SMCHD1: variants seen among roughly 807,000 people sequenced by gnomAD.
The protein encoded by SMCHD1 is structural maintenance of chromosomes flexible hinge domain containing 1.
Under a neutral mutation model 254.7 loss-of-function variants are expected in SMCHD1, and 78 were observed. The observed-to-expected ratio is 0.31, with a 90% CI of 0.26 to 0.37. SMCHD1 has a LOEUF of 0.37. SMCHD1 is among the 10% of genes least tolerant of loss of function. SMCHD1 has a pLI of 1.00. For synonymous variants in SMCHD1, 766 were observed against 794.9 expected, an observed-to-expected ratio of 0.96 and a Z score of 0.61; for missense variants, 1,840 against 2,408.1, an observed-to-expected ratio of 0.76 and a Z score of 4.94.
intron 41 of SMCHD1, among the ~76,000 whole-genome samples, chr18:2,773,366 G>A (rs919089685): frequency 1.3e-5 from 2 of 152,038 alleles, no homozygotes; most frequent in African/African-American, 4.8e-5. Flanking sequence ...CAAAATTCTT[G>A]GACAATATGT....
chr18:2,760,651 G>A lies in SMCHD1; in HGVS notation c.4347-1G>A. 6.7e-7 allele frequency: 1 copy of A among 1,489,482 alleles called. No homozygotes were observed. The highest frequency in any genetic ancestry group is 9.4e-7 in the Non-Finnish European group (1 of 1,068,896). The allele number at this position is 1,489,482 out of a possible 1,614,324, so 92.3% of individuals were successfully genotyped here. On this transcript the variant is annotated splice_acceptor_variant, in intron 34 of 47. Transcript: ENST00000320876. LOFTEE classifies it high-confidence loss of function. ...TAATCTTAACTTTCTTTTAAATTTAGGGATAAAGTAATTCCTAATAAAGTG... is the reference window on the plus strand; with the variant it reads ...TAATCTTAACTTTCTTTTAAATTTAAGGATAAAGTAATTCCTAATAAAGTG...
chr18:2,773,654 G>T (rs2076019458), intron 41 of SMCHD1, among the ~76,000 whole-genome samples: 1 of 152,106 alleles, frequency 6.6e-6, no homozygotes, highest in Admixed American at 6.5e-5. Context: ...GGGCGCGTTG[G>T]CTCACACCTG....
In SMCHD1 at chr18:2,666,200, C is replaced by T; in HGVS notation, c.230C>T (p.Thr77Ile). 1 of 1,556,016 alleles carries T rather than the reference C, an allele frequency of 6.4e-7. No individual in the cohort carries two copies. Among genetic ancestry groups the T allele is most frequent in the Non-Finnish European group, 8.8e-7 (1 of 1,133,684 alleles). ...SPEEKFVITT[T>I]SRKEITCDNF... ...GAAGAAAAATTTGTTATTACAACAA[C>T]AAGTAGGAAAGAAATTACCTGTGAT... is the stretch of plus-strand genomic sequence containing the variant. The change falls in exon 2 of 48, where the codon ACA (threonine) becomes ATA (isoleucine). Residue 77 changes from threonine (T) to isoleucine (I), a missense_variant. Physicochemically the swap from Thr to Ile is moderately conservative, Grantham distance 89. Around this residue, in one of 9 missense-constraint regions of SMCHD1, gnomAD observed 37 missense variants for 54.2 expected, o/e 0.68. Coordinates refer to ENST00000320876, the MANE Select transcript of SMCHD1 (RefSeq NM_015295.3).
At chr18:2,659,722 T>C (rs1364319067) in intron 1 of SMCHD1, among the ~76,000 whole-genome samples, 4 of 138,448 alleles carry the variant, frequency 2.9e-5, no homozygotes, top group East Asian at 4.3e-4. Context: ...TATTTTAATA[T>C]AAGATGTGCT....
intron 5 of SMCHD1, among the ~76,000 whole-genome samples, chr18:2,684,654 A>AT (rs2073998594): frequency 7.5e-6 from 1 of 133,314 alleles, no homozygotes; most frequent in African/African-American, 2.7e-5. Context: ...TTTCCTGCCT[A>AT]TTTTTTGTTC....
intron 45 of SMCHD1, among the ~76,000 whole-genome samples, chr18:2,786,332 G>T (rs895477350): frequency 5.3e-5 from 8 of 151,954 alleles, no homozygotes; most frequent in Non-Finnish European, 1.2e-4. Flanking sequence ...ATAGAAAAAT[G>T]TGCATATTTT....
intron 44 of SMCHD1, among the ~76,000 whole-genome samples, chr18:2,784,077 G>A (rs1203320836): frequency 6.6e-6 from 1 of 151,946 alleles, no homozygotes; most frequent in Admixed American, 6.6e-5. Flanking sequence ...CTATCCTTTG[G>A]TCATCTAAAA....
chr18:2,771,254 G>A (rs568132028), intron 39 of SMCHD1, among the ~76,000 whole-genome samples: 9 of 152,204 alleles, frequency 5.9e-5, no homozygotes, highest in African/African-American at 9.6e-5. Context: ...ATGTATACTC[G>A]TGGATTAAGA....
chr18:2,673,187 G>T lies in SMCHD1; in HGVS notation c.425-94G>T, dbSNP rs1312441066. The stretch of plus-strand genomic sequence containing the variant: ...ATAATACTTTAATTCTAGCTCTTTG[G>T]CTTTAAGGTACTTGATAGTTTCTTC... On this transcript the variant is annotated intron_variant, in intron 3 of 47. Transcript: ENST00000320876. 2.1e-6 allele frequency: 3 copies of T among 1,408,406 alleles called. No individual in the cohort carries two copies. The South Asian group carries it at 5.0e-5, about 23-fold the overall frequency. 87.2% of individuals were successfully genotyped at this position (1,408,406 alleles called of 1,614,324 possible).
intron 20 of SMCHD1, 145 bp from the exon 21 acceptor site, chr18:2,724,754 A>G (rs1379289467): frequency 4.7e-6 from 2 of 429,252 alleles, no homozygotes; most frequent in Non-Finnish European, 8.3e-6. Context: ...AATCCATTGG[A>G]ATTTTTTTCT....
At chr18:2,683,369 TTG>T (rs1293137782) in intron 5 of SMCHD1, among the ~76,000 whole-genome samples, 2 of 152,238 alleles carry the variant, frequency 1.3e-5, no homozygotes, top group Non-Finnish European at 2.9e-5. Flanking sequence ...CCTTTGCAAC[TTG>T]GTATTTAACC....
rs61062918 is a variant in SMCHD1 at position 2,656,805 on chromosome 18, G to GA, written c.186+545dup. Reference sequence around the variant, plus strand: ...CCTTCTGGGGCGGGGCGGCGGGGGGGATCCTTCCGCACGGAGACACTTGTC... The same window carrying GA: ...CCTTCTGGGGCGGGGCGGCGGGGGGGAATCCTTCCGCACGGAGACACTTGTC... On this transcript the variant is annotated intron_variant, in intron 1 of 47. Transcript: ENST00000320876. 4.9e-3 allele frequency among the ~76,000 whole-genome samples: 739 copies of GA among 152,274 alleles called. 3 individuals are homozygous for GA. The highest frequency in any genetic ancestry group is 0.017 in the African/African-American group (707 of 41,558).
At chr18:2,798,168 G>A (rs1028582767) in intron 47 of SMCHD1, among the ~76,000 whole-genome samples, 1 of 152,064 alleles carries the variant, frequency 6.6e-6, no homozygotes, top group Non-Finnish European at 1.5e-5. Flanking sequence ...TATGCAAGAG[G>A]GAGAGGACCA....
chr18:2,687,896 G>A (rs899209444), intron 5 of SMCHD1, among the ~76,000 whole-genome samples: 5 of 152,092 alleles, frequency 3.3e-5, no homozygotes, highest in South Asian at 2.1e-4. Flanking sequence ...TGATGTCCCC[G>A]GAGACTTTGC....
chr18:2,788,217 G>A lies in SMCHD1; in HGVS notation c.5719+3596G>A, dbSNP rs937982117. Among the ~76,000 whole-genome samples the A allele has an allele frequency of 2.0e-5, 3 of 152,264 alleles. No homozygotes were observed. The East Asian group carries it at 5.8e-4, about 29-fold the overall frequency. The stretch of plus-strand genomic sequence containing the variant: ...TGTTTTCTAAATAATTTGCCTATAC[G>A]TTGTCTTGCATGATTAGTATAAGAG... On this transcript the variant is annotated intron_variant, in intron 45 of 47. Transcript: ENST00000320876.
intron 15 of SMCHD1, among the ~76,000 whole-genome samples, chr18:2,706,829 A>G (rs2074525721): frequency 6.6e-6 from 1 of 152,196 alleles, no homozygotes; most frequent in Admixed American, 6.5e-5. Context: ...TAAAGATACT[A>G]CCTGAGACTG....
intron 28 of SMCHD1, among the ~76,000 whole-genome samples, chr18:2,743,104 T>TA: frequency 6.6e-6 from 1 of 152,312 alleles, no homozygotes; most frequent in Middle Eastern, 3.4e-3. Flanking sequence ...AAAATACAAA[T>TA]ACTGCAGCAC....
chr18:2,727,798 A>T (rs1431716787), intron 22 of SMCHD1, among the ~76,000 whole-genome samples: 1 of 152,096 alleles, frequency 6.6e-6, no homozygotes, highest in African/African-American at 2.4e-5. Context: ...ATAGTAAATG[A>T]ATGAATATAA....
At chr18:2,748,376 G>GTT (rs762343246) in intron 30 of SMCHD1, among the ~76,000 whole-genome samples, 1 of 27,966 alleles carries the variant, frequency 3.6e-5, no homozygotes, top group Non-Finnish European at 8.2e-5. Context: ...GTGTGTGTGT[G>GTT]TGTGTGTATA....
Sources: gnomAD v4.1 joint callset for allele counts (sites outside exome capture counted in the v4.1 genomes callset) on GRCh38, gnomAD v4.1.1 for gene constraint, gnomAD v4.1.1 regional missense constraint, MANE v1.5 for transcripts, NCBI Gene and HGNC (gene_info 2026-07-23, HGNC 2026-07-21) for gene names.